The following DNAH17 variants were observed in gnomAD, a reference collection of about 807,000 sequenced individuals.
DNAH17 encodes the protein dynein axonemal heavy chain 17, also known as axonemal beta dynein heavy chain 17.
Under a neutral mutation model 485.6 loss-of-function variants are expected in DNAH17, and 376 were observed. The observed-to-expected ratio is 0.77, with a 90% confidence interval of 0.71 to 0.84. The LOEUF (loss-of-function observed/expected upper bound fraction) is 0.84, where lower values mean the gene tolerates loss of function less well. DNAH17 is among the 40% of genes least tolerant of loss of function. The pLI is 0.00. For missense variants in DNAH17, 6,370 were observed against 5,839.3 expected, an observed-to-expected ratio of 1.09 and a Z score of -2.96; for synonymous variants, 3,031 against 2,405.9, an observed-to-expected ratio of 1.26 and a Z score of -7.60.
rs186906771 is a variant in DNAH17 at position 78,452,717 on chromosome 17, G to A, written c.10529+626C>T. 4.4e-3 allele frequency among the ~76,000 whole-genome samples: 663 copies of A among 152,328 alleles called. 6 individuals are homozygous for A. The highest frequency in any genetic ancestry group is 0.015 in the African/African-American group (639 of 41,550). On this transcript the variant is annotated intron_variant, in intron 65 of 80. Coordinates refer to ENST00000389840, the MANE Select transcript of DNAH17 (RefSeq NM_173628.4). ...CGTACCACTGGACTCCAGCCTGGAC[G>A]ACAGAGCGAGACTCCATCTCAAAAA...
chr17:78,458,529 G>C, intron 62 of DNAH17, 36 bp downstream of exon 62: 1 of 1,566,248 alleles, frequency 6.4e-7, no homozygotes, highest in Non-Finnish European at 8.8e-7. Context: ...CAGGGGGTCT[G>C]AGAGCAGGAG....
intron 48 of DNAH17, among the ~76,000 whole-genome samples, chr17:78,480,987 G>A (rs2089322269): frequency 6.6e-6 from 1 of 152,032 alleles, no homozygotes. Flanking sequence ...AGTTGAGACG[G>A]GGTTTCGCCG....
rs140254407 is a variant in DNAH17 at position 78,536,229 on chromosome 17, G to A, written c.2859+1070C>T. On this transcript the variant is annotated intron_variant, in intron 19 of 80. Coordinates refer to ENST00000389840, the MANE Select transcript of DNAH17 (RefSeq NM_173628.4). ...CCAAGGCGGGTGGATCACAAGGTCG[G>A]GAGATTGAGACCATCCTGGCCAACA... 7.7e-3 allele frequency among the ~76,000 whole-genome samples: 1,168 copies of A among 152,064 alleles called. 9 individuals are homozygous for A. Among genetic ancestry groups the A allele is most frequent in the Non-Finnish European group, 0.013 (884 of 67,966 alleles).
chr17:78,428,268 G>A (rs941954188), intron 77 of DNAH17: 22 of 530,194 alleles, frequency 4.1e-5, no homozygotes, highest in East Asian at 1.3e-4. Context: ...GGATGCTCTT[G>A]GAGCCGCATC....
At position 78,479,613 on chromosome 17, in the gene DNAH17, G is replaced by T. The variant is rs1421102724; in HGVS notation, c.7772C>A (p.Ala2591Asp). ...SRLQRHFCVF[A>D]VSFPGQEALT... ...GGCCTCCTGGCCGGGGAAGCTCACA[G>T]CAAACACGCAGAAATGGCGCTACCC... The change falls in exon 50 of 81, where the codon GCT becomes GAT. Residue 2591 changes from alanine to aspartate, a missense_variant. Transcript: ENST00000389840. 6.2e-7 allele frequency: 1 copy of T among 1,613,192 alleles called. No homozygotes were observed. The highest frequency in any genetic ancestry group is 1.7e-5 in the Admixed American group (1 of 59,952).
rs372739241 is a variant in DNAH17, at chr17:78,466,732, C to T, written c.8863G>A (p.Asp2955Asn). The change falls in exon 56 of 81, where the codon GAC (aspartate) becomes AAC (asparagine). Residue 2955 changes from aspartate (D) to asparagine (N), a missense_variant. Coordinates refer to ENST00000389840, the MANE Select transcript of DNAH17 (RefSeq NM_173628.4). ...FPAVVNCTAI[D>N]WFHEWPEDAL... ...TCTTCCGGCCACTCGTGGAACCAGT[C>T]GATGGCCGTGCAGTTGACCACAGCT... is the stretch of plus-strand genomic sequence containing the variant. The T allele has an allele frequency of 4.2e-5, 68 of 1,612,950 alleles. No homozygotes were observed. The highest frequency in any genetic ancestry group is 1.8e-4 in the Admixed American group (11 of 59,964).
intron 16 of DNAH17, among the ~76,000 whole-genome samples, chr17:78,545,676 C>T (rs769781001): frequency 1.3e-5 from 2 of 152,182 alleles, no homozygotes; most frequent in Admixed American, 6.5e-5. Flanking sequence ...GAGTCACAAA[C>T]GTACAGTCCA....
rs1482947927 is a variant in DNAH17, at chr17:78,455,625, C to T, written c.10170+19G>A. ...TACAGGCGTGAGCCACCGCGCCTGG[C>T]CAGGACTCCACTCCTTACCTTTAAG... On this transcript the variant is annotated intron_variant, in intron 63 of 80. Coordinates refer to ENST00000389840, the MANE Select transcript of DNAH17 (RefSeq NM_173628.4). The T allele has an allele frequency of 1.3e-6, 2 of 1,520,010 alleles. No homozygotes were observed. The highest frequency in any genetic ancestry group is 1.4e-5 in the African/African-American group (1 of 71,728). 94.2% of individuals were successfully genotyped at this position (1,520,010 alleles called of 1,614,324 possible).
At chr17:78,463,770 G>C (rs993192295) in intron 56 of DNAH17, among the ~76,000 whole-genome samples, 6 of 152,216 alleles carry the variant, frequency 3.9e-5, no homozygotes, top group Non-Finnish European at 5.9e-5. Flanking sequence ...CCTGAACGCA[G>C]GCACTGGGAG....
At chr17:78,538,843 C>T (rs904185291) in intron 18 of DNAH17, among the ~76,000 whole-genome samples, 6 of 152,164 alleles carry the variant, frequency 3.9e-5, no homozygotes, top group Non-Finnish European at 7.3e-5. Flanking sequence ...TACAAGGGCA[C>T]GACACTGCCA....
chr17:78,559,016 TAATCTC>T (rs1181690683), intron 13 of DNAH17, among the ~76,000 whole-genome samples: 1 of 152,212 alleles, frequency 6.6e-6, no homozygotes, highest in East Asian at 1.9e-4. Flanking sequence ...TCTCTTTTGA[TAATCTC>T]AAGATGTCCA....
At chr17:78,518,967 G>C (rs692149) in intron 25 of DNAH17, among the ~76,000 whole-genome samples, 29,878 of 151,802 alleles carry the variant, frequency 0.2, 3,439 homozygotes, top group East Asian at 0.47. Context: ...AGGAGATCGA[G>C]ACCATTCTGG....
chr17:78,502,912 G>A lies in DNAH17; in HGVS notation c.5056C>T (p.Gln1686Ter), dbSNP rs1174290515. 9.3e-6 allele frequency: 15 copies of A among 1,613,844 alleles called. No individual in the cohort carries two copies. The highest frequency in any genetic ancestry group is 1.3e-5 in the Non-Finnish European group (15 of 1,179,948). Residue 1686 changes from glutamine to a stop codon, truncating the protein, a stop_gained, in exon 32 of 81, where the codon CAG (glutamine) becomes TAG (stop). Coordinates refer to ENST00000389840, the MANE Select transcript of DNAH17 (RefSeq NM_173628.4). LOFTEE classifies it high-confidence loss of function. ...VVTYEEKPRE[Q>*]WILDYPAQVA... The stretch of plus-strand genomic sequence containing the variant: ...TGGGCTGGGTAGTCCAGGATCCACT[G>A]CTCCCTCGGCTTCTCTTCGTAGGTC...
chr17:78,475,797 T>G lies in DNAH17; in HGVS notation c.8191A>C (p.Ile2731Leu). The change falls in exon 53 of 81, where the codon ATC becomes CTC. Residue 2731 changes from isoleucine to leucine, a missense_variant. Coordinates refer to ENST00000389840, the MANE Select transcript of DNAH17 (RefSeq NM_173628.4). ...ATCCCTTGAGCAAAGTGGCAGAAGATATTTGGCTTGGCAAATAAGAGTTCA... is the reference window on the plus strand; with the variant it reads ...ATCCCTTGAGCAAAGTGGCAGAAGAGATTTGGCTTGGCAAATAAGAGTTCA... The part of the protein sequence containing the change: ...GDELLFAKPN[I>L]FCHFAQGIGD... The G allele has an allele frequency of 6.2e-7, 1 of 1,613,844 alleles. No homozygotes were observed. Among genetic ancestry groups the G allele is most frequent in the Non-Finnish European group, 8.5e-7 (1 of 1,179,868 alleles).
Position 78,460,066 on chromosome 17 carries a change from G to A in DNAH17, c.9436-65C>T, listed in dbSNP as rs1425927724. 6.3e-6 allele frequency: 10 copies of A among 1,595,696 alleles called. No individual in the cohort carries two copies. In the African/African-American group the frequency reaches 8.0e-5, roughly 13 times the overall value. Reference sequence around the variant, plus strand: ...ACCGGGTCCTCGGTGATGCCCCGAAGAAGCCGCCATGAGTGTGTCACCACC... The same window carrying A: ...ACCGGGTCCTCGGTGATGCCCCGAAAAAGCCGCCATGAGTGTGTCACCACC... On this transcript the variant is annotated intron_variant, in intron 59 of 80. Coordinates refer to ENST00000389840, the MANE Select transcript of DNAH17 (RefSeq NM_173628.4).
At position 78,424,073 on chromosome 17, in the gene DNAH17, T is replaced by G. The variant is rs952026712; in HGVS notation, c.13222A>C (p.Ile4408Leu). 1.9e-6 allele frequency: 3 copies of G among 1,613,878 alleles called. No individual in the cohort carries two copies. Among genetic ancestry groups the G allele is most frequent in the Admixed American group, 3.3e-5 (2 of 60,008 alleles). The change falls in exon 81 of 81, where the codon ATC becomes CTC. Residue 4408 changes from isoleucine (I) to leucine (L), a missense_variant. Transcript: ENST00000389840. The stretch of plus-strand genomic sequence containing the variant: ...ATGCGGTCCACAGGAATGGCCTTGA[T>G]GAAGATGACAGGCATGGCCGGGGTC... Reference protein sequence around the residue: ...ELTPAMPVIFIKAIPVDRMET... With the variant: ...ELTPAMPVIFLKAIPVDRMET...
In DNAH17 at chr17:78,526,680, C is replaced by T. The variant is rs767607925; in HGVS notation, c.3682G>A (p.Asp1228Asn). 6 of 1,610,540 alleles carry T rather than the reference C, an allele frequency of 3.7e-6. No homozygotes were observed. Among genetic ancestry groups the T allele is most frequent in the Middle Eastern group, 1.7e-4 (1 of 6,060 alleles). ...TTCAGGGACTTGTAGGGGTTGGGGTCGCTGAAGGAGAACGGGGCCTCGCGC... is the reference window on the plus strand; with the variant it reads ...TTCAGGGACTTGTAGGGGTTGGGGTTGCTGAAGGAGAACGGGGCCTCGCGC... Reference protein sequence around the residue: ...FRREAPFSFSDPNPYKSLNKQ... With the variant: ...FRREAPFSFSNPNPYKSLNKQ... The change falls in exon 24 of 81, where the codon GAC becomes AAC. Residue 1228 changes from aspartate to asparagine, a missense_variant. Coordinates refer to ENST00000389840, the MANE Select transcript of DNAH17 (RefSeq NM_173628.4).
Position 78,424,292 on chromosome 17 carries a change from G to A in DNAH17, c.13142-139C>T, listed in dbSNP as rs12942703. Reference sequence around the variant, plus strand: ...CAAAAGGCTTCAGGCCAGCTGCCACGGCTGGAAGCAGAGGCCTTCGTAGGT... The same window carrying A: ...CAAAAGGCTTCAGGCCAGCTGCCACAGCTGGAAGCAGAGGCCTTCGTAGGT... On this transcript the variant is annotated intron_variant, in intron 80 of 80. Coordinates refer to ENST00000389840, the MANE Select transcript of DNAH17 (RefSeq NM_173628.4). The A allele has an allele frequency of 0.84, 919,824 of 1,101,002 alleles. 385,741 individuals carry two copies. Among genetic ancestry groups the A allele is most frequent in the East Asian group, 0.98 (37,588 of 38,440 alleles). 68.2% of individuals were successfully genotyped at this position (1,101,002 alleles called of 1,614,324 possible).
chr17:78,498,532 A>G (rs907529112), intron 37 of DNAH17, among the ~76,000 whole-genome samples: 3 of 152,034 alleles, frequency 2.0e-5, no homozygotes, highest in African/African-American at 7.3e-5. Flanking sequence ...CTGCTCCCCA[A>G]TCCGAAGTCC....
Sources: allele counts gnomAD v4.1 joint callset (sites outside exome capture counted in the v4.1 genomes callset), GRCh38; gene constraint gnomAD v4.1.1; transcripts MANE v1.5; gene names NCBI Gene and HGNC (gene_info 2026-07-23, HGNC 2026-07-21).